Variants in FAM227B observed in about 807,000 individuals in gnomAD.
The protein encoded by FAM227B is protein FAM227B.
In FAM227B, 88 loss-of-function variants were observed where a neutral mutation model predicts 73.8. That is an observed-to-expected ratio of 1.19 (90% CI 1.00 to 1.42). FAM227B has a LOEUF of 1.42. Among genes scored for constraint, FAM227B ranks in the 40% most tolerant of loss-of-function variants. The pLI is 0.00. For missense variants in FAM227B, 632 were observed against 590.9 expected (o/e 1.07, Z -0.72); for synonymous variants, 210 against 190.5 (o/e 1.10, Z -0.84).
chr15:49,436,246 A>T (rs966311363), intron 11 of FAM227B, among the ~76,000 whole-genome samples: 2 of 151,606 alleles, frequency 1.3e-5, no homozygotes, highest in African/African-American at 4.8e-5. Context: ...ACCTTTGCAT[A>T]CAATGTTGAT....
chr15:49,481,503 A>C (rs562340478), intron 11 of FAM227B, among the ~76,000 whole-genome samples: 59 of 152,328 alleles, frequency 3.9e-4, no homozygotes, highest in African/African-American at 1.4e-3. Context: ...CTCTCAGTGA[A>C]GATGTGTTGA....
chr15:49,373,032 TTTC>T (rs976855863), intron 11 of FAM227B, among the ~76,000 whole-genome samples: 6 of 152,144 alleles, frequency 3.9e-5, no homozygotes, highest in African/African-American at 1.4e-4. Context: ...ACCATATTTT[TTTC>T]TTCAAAATTT....
chr15:49,426,776 A>C (rs2050169118), intron 11 of FAM227B, among the ~76,000 whole-genome samples: 1 of 151,980 alleles, frequency 6.6e-6, no homozygotes, highest in South Asian at 2.1e-4. Flanking sequence ...TCACAATACC[A>C]GTGTACTAAA....
chr15:49,582,689 C>A (rs186034644), intron 5 of FAM227B, among the ~76,000 whole-genome samples: 225 of 152,212 alleles, frequency 1.5e-3, no homozygotes, highest in African/African-American at 5.3e-3. Flanking sequence ...TTTTCATTGC[C>A]CACATGGGAC....
intron 11 of FAM227B, among the ~76,000 whole-genome samples, chr15:49,394,660 T>C (rs894399346): frequency 6.6e-6 from 1 of 152,096 alleles, no homozygotes; most frequent in Non-Finnish European, 1.5e-5. Context: ...TTCAGTGAAC[T>C]GAAAAGGAAG....
chr15:49,549,357 G>A (rs1185645845), intron 9 of FAM227B, among the ~76,000 whole-genome samples: 3 of 102,984 alleles, frequency 2.9e-5, no homozygotes, highest in African/African-American at 4.7e-5. Context: ...GATTATTCTT[G>A]GGTGTTTCTC....
intron 11 of FAM227B, among the ~76,000 whole-genome samples, chr15:49,375,711 A>C (rs1297270485): frequency 1.3e-5 from 2 of 152,074 alleles, no homozygotes; most frequent in Admixed American, 6.5e-5. Flanking sequence ...TCCACCACTA[A>C]ATGGGTTCAC....
intron 2 of FAM227B, among the ~76,000 whole-genome samples, chr15:49,612,048 T>TTA (rs397951807): frequency 6.6e-6 from 1 of 151,504 alleles, no homozygotes; most frequent in African/African-American, 2.4e-5. Flanking sequence ...TTTTTTTTTT[T>TTA]AATTTGGTAT....
At chr15:49,373,073 C>T (rs957902120) in intron 11 of FAM227B, among the ~76,000 whole-genome samples, 5 of 151,732 alleles carry the variant, frequency 3.3e-5, no homozygotes, top group Non-Finnish European at 5.9e-5. Flanking sequence ...CTTAAATACA[C>T]ATATAATACT....
chr15:49,548,343 A>G (rs1230840308), intron 9 of FAM227B, among the ~76,000 whole-genome samples: 1 of 152,184 alleles, frequency 6.6e-6, no homozygotes, highest in Non-Finnish European at 1.5e-5. Context: ...CATATGTTGA[A>G]CCATCCTTCC....
rs145562540 is a variant in FAM227B, at chr15:49,556,395, C to T, written c.747+11850G>A. Among the ~76,000 whole-genome samples, 13 of 152,336 alleles carry T rather than the reference C, an allele frequency of 8.5e-5. No individual in the cohort carries two copies. In the East Asian group the frequency reaches 2.5e-3, roughly 29 times the overall value. On this transcript the variant is annotated intron_variant, in intron 9 of 15. Coordinates refer to ENST00000299338, the MANE Select transcript of FAM227B (RefSeq NM_152647.3). ...GCTCTAACTCTGGAGAGCTGGTATC[C>T]TGCCCCAGCTTTGTTCCCTGGCCCC... is the stretch of plus-strand genomic sequence containing the variant.
chr15:49,481,230 C>T (rs1272423429), intron 11 of FAM227B, among the ~76,000 whole-genome samples: 1 of 152,160 alleles, frequency 6.6e-6, no homozygotes, highest in East Asian at 1.9e-4. Context: ...CAGTTTTTGT[C>T]ATAAAAGTAA....
chr15:49,594,258 AC>A, intron 3 of FAM227B, among the ~76,000 whole-genome samples: 1 of 151,902 alleles, frequency 6.6e-6, no homozygotes, highest in African/African-American at 2.4e-5. Flanking sequence ...TCCTTAGCCC[AC>A]TTTTTGATGG....
At chr15:49,335,172 T>G (rs1040369109) in intron 14 of FAM227B, among the ~76,000 whole-genome samples, 1 of 152,130 alleles carries the variant, frequency 6.6e-6, no homozygotes, top group African/African-American at 2.4e-5. Context: ...CTCTTCCTGT[T>G]GGGGTGCACC....
At chr15:49,582,153 G>C (rs181410378) in intron 5 of FAM227B, among the ~76,000 whole-genome samples, 2 of 152,166 alleles carry the variant, frequency 1.3e-5, no homozygotes, top group Admixed American at 1.3e-4. Context: ...ATGTAAATGG[G>C]GGCTAAATGC....
intron 11 of FAM227B, among the ~76,000 whole-genome samples, chr15:49,409,312 C>T (rs1162063778): frequency 1.3e-5 from 2 of 151,972 alleles, no homozygotes; most frequent in Non-Finnish European, 2.9e-5. Context: ...GAAAATAAAC[C>T]GTATGTTGAA....
At chr15:49,480,643 G>A (rs1311339003) in intron 11 of FAM227B, among the ~76,000 whole-genome samples, 3 of 151,762 alleles carry the variant, frequency 2.0e-5, no homozygotes, top group Admixed American at 6.6e-5. Context: ...CACCACACCC[G>A]GATAATTTTT....
intron 8 of FAM227B, among the ~76,000 whole-genome samples, chr15:49,572,457 G>T (rs1277968386): frequency 6.6e-6 from 1 of 151,714 alleles, no homozygotes; most frequent in Non-Finnish European, 1.5e-5. Flanking sequence ...GTTTTCATTT[G>T]TCTCAAGGTA....
At chr15:49,466,686 C>G (rs552685072) in intron 11 of FAM227B, among the ~76,000 whole-genome samples, 8 of 151,988 alleles carry the variant, frequency 5.3e-5, no homozygotes, top group Non-Finnish European at 1.2e-4. Flanking sequence ...AAGGCCTGGA[C>G]TAATGTGATG....
Sources: gnomAD v4.1 joint callset for allele counts (sites outside exome capture counted in the v4.1 genomes callset) on GRCh38, gnomAD v4.1.1 for gene constraint, MANE v1.5 for transcripts, NCBI Gene and HGNC (gene_info 2026-07-23, HGNC 2026-07-21) for gene names.